The following NRDC variants were observed in gnomAD, a reference collection of about 807,000 sequenced individuals.
NRDC encodes nardilysin convertase.
A neutral mutation model predicts 147.1 loss-of-function variants in NRDC; 54 were observed. The ratio of observed to expected loss-of-function variants is 0.37; its 90% confidence interval spans 0.29 to 0.46. The LOEUF is 0.46. Ranked by LOEUF, NRDC falls within the 20% of genes least tolerant of loss-of-function variation. The probability of loss-of-function intolerance (pLI) is 1.00; values close to 1 mark genes in which losing one functional copy is unlikely to be tolerated. For missense variants in NRDC, 1,082 were observed against 1,370.6 expected (o/e 0.79, Z 3.33); for synonymous variants, 440 against 482.1 (o/e 0.91, Z 1.14).
At chr1:51,834,719 A>G in intron 3 of NRDC, among the ~76,000 whole-genome samples, 1 of 152,210 alleles carries the variant, frequency 6.6e-6, no homozygotes, top group East Asian at 1.9e-4. Context: ...GAAAGATAAG[A>G]CGAACATATA....
At position 51,858,234 on chromosome 1, in the gene NRDC, C is replaced by T. The variant is rs562919496; in HGVS notation, c.342-17720G>A. 1.1e-4 allele frequency among the ~76,000 whole-genome samples: 16 copies of T among 152,162 alleles called. 1 individual carries two copies. Among genetic ancestry groups the T allele is most frequent in the African/African-American group, 2.6e-4 (11 of 41,542 alleles). ...GTGGCTCATGCCTGTAATCCCAACACGTTGGGAGATCAAAGCAGGAAGATC... is the reference window on the plus strand; with the variant it reads ...GTGGCTCATGCCTGTAATCCCAACATGTTGGGAGATCAAAGCAGGAAGATC... On this transcript the variant is annotated intron_variant, in intron 1 of 30. Transcript: ENST00000352171.
At chr1:51,830,265 T>C (rs1680650490) in intron 4 of NRDC, among the ~76,000 whole-genome samples, 1 of 152,182 alleles carries the variant, frequency 6.6e-6, no homozygotes, top group African/African-American at 2.4e-5. Context: ...GTCTGGCCTT[T>C]ATTTCTTAAA....
chr1:51,835,380 G>C (rs1680908302), intron 3 of NRDC, among the ~76,000 whole-genome samples: 1 of 150,838 alleles, frequency 6.6e-6, no homozygotes. Context: ...TTTTATTTAG[G>C]TACATTCCAA....
intron 1 of NRDC, among the ~76,000 whole-genome samples, chr1:51,853,172 C>T (rs1571907644): frequency 6.6e-6 from 1 of 151,438 alleles, no homozygotes; most frequent in Middle Eastern, 3.4e-3. Context: ...TGCAGTGAGC[C>T]AAGACATGGC....
intron 1 of NRDC, among the ~76,000 whole-genome samples, chr1:51,871,786 A>G (rs1683097544): frequency 6.6e-6 from 1 of 151,914 alleles, no homozygotes; most frequent in Non-Finnish European, 1.5e-5. Flanking sequence ...CTGCTCCCTG[A>G]CTCTCCTACA....
chr1:51,857,984 T>C (rs1682335886), intron 1 of NRDC, among the ~76,000 whole-genome samples: 1 of 152,122 alleles, frequency 6.6e-6, no homozygotes, highest in Non-Finnish European at 1.5e-5. Context: ...GTAGAATGTA[T>C]AAATATTAGG....
At chr1:51,862,768 C>A (rs1348857050) in intron 1 of NRDC, among the ~76,000 whole-genome samples, 5 of 151,828 alleles carry the variant, frequency 3.3e-5, no homozygotes, top group Non-Finnish European at 7.4e-5. Flanking sequence ...GTAATCCCAG[C>A]ACTTCGGGAG....
chr1:51,820,025 G>A, intron 8 of NRDC, 152 bp from the exon 9 acceptor site: 1 of 615,610 alleles, frequency 1.6e-6, no homozygotes, highest in Admixed American at 3.0e-5. Context: ...TGGCAACACA[G>A]CCACAAAATC....
intron 1 of NRDC, chr1:51,862,333 TCACTTGAGC>T (rs1408380086): frequency 2.0e-5 from 3 of 151,564 alleles, no homozygotes; most frequent in African/African-American, 7.3e-5. Flanking sequence ...GGCAGGAGGA[TCACTTGAGC>T]CTAGAAGTTC....
At chr1:51,796,270 A>T (rs1257704949) in intron 22 of NRDC, among the ~76,000 whole-genome samples, 1 of 146,176 alleles carries the variant, frequency 6.8e-6, no homozygotes, top group Non-Finnish European at 1.5e-5. Context: ...ACAGACTCTC[A>T]CTCTGTCACC....
At chr1:51,841,890 C>T (rs1681280553) in intron 1 of NRDC, among the ~76,000 whole-genome samples, 1 of 152,236 alleles carries the variant, frequency 6.6e-6, no homozygotes, top group East Asian at 1.9e-4. Context: ...GGAAGAGAAC[C>T]TTTGGCCTAA....
rs1683420141 is a variant in NRDC at position 51,878,060 on chromosome 1, C to T, written c.341+215G>A. The T allele has an allele frequency of 7.8e-6, 11 of 1,405,356 alleles. No homozygotes were observed. The South Asian group carries it at 1.2e-4, about 15-fold the overall frequency. 87.1% of individuals were successfully genotyped at this position (1,405,356 alleles called of 1,614,324 possible). A position where few individuals can be genotyped will look rare whatever the true frequency, so the allele number is the denominator to read the frequency against. ...TTCAAATGACTCGAAAAGCTTCTCC[C>T]ATTCTGACGTCTTACAACCCAAGAT... On this transcript the variant is annotated intron_variant, in intron 1 of 30. Transcript: ENST00000352171.
chr1:51,790,775 G>A, intron 28 of NRDC, 125 bp downstream of exon 28: 1 of 958,854 alleles, frequency 1.0e-6, no homozygotes, highest in Non-Finnish European at 1.6e-6. Flanking sequence ...TGAAGCTAGG[G>A]AGACACTATT....
rs7519230 is a variant in NRDC at position 51,874,833 on chromosome 1, G to A, written c.341+3442C>T. On this transcript the variant is annotated intron_variant, in intron 1 of 30. Transcript: ENST00000352171. ...AATATGCCCAACATTTCAAAAAAGC[G>A]GAATACAAATTACACATATGCTGAA... Among the ~76,000 whole-genome samples, 7 of 151,976 alleles carry A rather than the reference G, an allele frequency of 4.6e-5. 1 individual carries two copies. The highest frequency in any genetic ancestry group is 9.7e-5 in the African/African-American group (4 of 41,342).
intron 17 of NRDC, among the ~76,000 whole-genome samples, chr1:51,807,968 G>A (rs1183517800): frequency 6.6e-6 from 1 of 151,922 alleles, no homozygotes; most frequent in African/African-American, 2.4e-5. Context: ...ACCACGCCTG[G>A]CTAATTTTGT....
intron 6 of NRDC, 83 bp downstream of exon 6, chr1:51,825,204 T>A: frequency 2.1e-6 from 2 of 967,678 alleles, no homozygotes; most frequent in South Asian, 3.0e-5. Context: ...TCTAGCTTTA[T>A]AATTTTCAAT....
intron 1 of NRDC, among the ~76,000 whole-genome samples, chr1:51,861,263 T>A (rs1165053011): frequency 9.0e-6 from 1 of 111,464 alleles, no homozygotes; most frequent in Non-Finnish European, 1.9e-5. Flanking sequence ...CAAGTGGTAT[T>A]ACTTTTTTTT....
At chr1:51,855,287 T>C (rs1470989889) in intron 1 of NRDC, among the ~76,000 whole-genome samples, 2 of 152,168 alleles carry the variant, frequency 1.3e-5, no homozygotes, top group African/African-American at 4.8e-5. Flanking sequence ...TTGCGTAGCA[T>C]CCTGAAAATA....
intron 1 of NRDC, among the ~76,000 whole-genome samples, chr1:51,863,176 C>T (rs1362813491): frequency 6.6e-6 from 1 of 151,866 alleles, no homozygotes; most frequent in East Asian, 1.9e-4. Context: ...CCAAGGCAGG[C>T]GGATCACTTG....
Sources: allele counts gnomAD v4.1 joint callset (sites outside exome capture counted in the v4.1 genomes callset), GRCh38; gene constraint gnomAD v4.1.1; transcripts MANE v1.5; gene names NCBI Gene and HGNC (gene_info 2026-07-23, HGNC 2026-07-21).